The following FRRS1L variants were observed in gnomAD, a reference collection of about 807,000 sequenced individuals.
FRRS1L encodes ferric chelate reductase 1 like, also known as DOMON domain-containing protein FRRS1L.
In FRRS1L, 22 loss-of-function variants were observed where a neutral mutation model predicts 28.6. That is an observed-to-expected ratio of 0.77 (90% CI 0.55 to 1.10). FRRS1L has a LOEUF of 1.10. Ranked by LOEUF, FRRS1L falls within the 50% of genes least tolerant of loss-of-function variation. FRRS1L has a pLI of 0.00. For missense variants in FRRS1L, 380 were observed against 386.9 expected, an observed-to-expected ratio of 0.98 and a Z score of 0.15; for synonymous variants, 158 against 151.4, an observed-to-expected ratio of 1.04 and a Z score of -0.32.
intron 3 of FRRS1L, among the ~76,000 whole-genome samples, chr9:109,143,542 A>T (rs1207481011): frequency 2.1e-5 from 3 of 141,144 alleles, no homozygotes; most frequent in Non-Finnish European, 4.5e-5. Context: ...TCCCCGACAG[A>T]GTCTCACTGT....
intron 3 of FRRS1L, among the ~76,000 whole-genome samples, chr9:109,143,176 G>A (rs1246300611): frequency 6.6e-6 from 1 of 152,012 alleles, no homozygotes; most frequent in African/African-American, 2.4e-5. Flanking sequence ...TTAGCTAGGT[G>A]TGGTGGCAGG....
At chr9:109,158,162 G>A (rs1831433912) in intron 1 of FRRS1L, among the ~76,000 whole-genome samples, 1 of 152,108 alleles carries the variant, frequency 6.6e-6, no homozygotes, top group Admixed American at 6.5e-5. Flanking sequence ...TTTTTTAACT[G>A]ATTCAATTTC....
At position 109,150,082 on chromosome 9, in the gene FRRS1L, G is replaced by C. The variant is rs953070530; in HGVS notation, c.239-362C>G. On this transcript the variant is annotated intron_variant, in intron 1 of 4. Coordinates refer to ENST00000561981, the MANE Select transcript of FRRS1L (RefSeq NM_014334.4). ...ATGTTCTAAGAGAAAAAAGTTAACA[G>C]TGATACATTTATATACTTGATAGTG... 2.4e-5 allele frequency: 4 copies of C among 166,336 alleles called. No homozygotes were observed. In the South Asian group the frequency reaches 7.6e-4, roughly 32 times the overall value. The allele number at this position is 166,336 out of a possible 1,614,324, so 10.3% of individuals were successfully genotyped here.
chr9:109,150,855 T>G (rs1447600575), intron 1 of FRRS1L: 2 of 152,256 alleles, frequency 1.3e-5, no homozygotes, highest in African/African-American at 4.8e-5. Context: ...TGCTTGGCAC[T>G]GGACACTGAA....
intron 3 of FRRS1L, among the ~76,000 whole-genome samples, chr9:109,144,567 G>A (rs1262904519): frequency 6.6e-6 from 1 of 152,010 alleles, no homozygotes; most frequent in African/African-American, 2.4e-5. Flanking sequence ...GTTTCACCAT[G>A]TTGGCCAGGC....
At chr9:109,158,016 G>A (rs1831432536) in intron 1 of FRRS1L, among the ~76,000 whole-genome samples, 1 of 152,066 alleles carries the variant, frequency 6.6e-6, no homozygotes, top group African/African-American at 2.4e-5. Flanking sequence ...TGCTAATAAG[G>A]TTATGTTATC....
intron 4 of FRRS1L, chr9:109,140,011 G>A (rs912008071): frequency 6.6e-6 from 1 of 152,204 alleles, no homozygotes; most frequent in Non-Finnish European, 1.5e-5. Context: ...CAACCAGAAG[G>A]AATGCTCAAG....
At chr9:109,145,661 C>T (rs183472031) in intron 3 of FRRS1L, among the ~76,000 whole-genome samples, 8 of 152,196 alleles carry the variant, frequency 5.3e-5, no homozygotes, top group Admixed American at 6.5e-5. Context: ...TTGCAGTGAG[C>T]CGACATCATG....
chr9:109,149,492 G>A, intron 2 of FRRS1L, 144 bp downstream of exon 2: 1 of 591,498 alleles, frequency 1.7e-6, no homozygotes, highest in East Asian at 2.9e-5. Flanking sequence ...AAGCGGGATG[G>A]CCGTTACGAA....
intron 1 of FRRS1L, among the ~76,000 whole-genome samples, chr9:109,155,867 G>A (rs1205694112): frequency 1.3e-5 from 2 of 151,870 alleles, no homozygotes; most frequent in African/African-American, 4.9e-5. Context: ...ATTGATTGTG[G>A]TGACAGATGC....
chr9:109,148,915 C>T (rs1387946425), intron 2 of FRRS1L, among the ~76,000 whole-genome samples: 1 of 152,088 alleles, frequency 6.6e-6, no homozygotes, highest in African/African-American at 2.4e-5. Context: ...AGCTCAAAGC[C>T]CCTGTATTCA....
chr9:109,155,037 C>CTAAG (rs1415037011), intron 1 of FRRS1L, among the ~76,000 whole-genome samples: 1 of 152,194 alleles, frequency 6.6e-6, no homozygotes, highest in Non-Finnish European at 1.5e-5. Context: ...GATCCTGGAT[C>CTAAG]TAAGGTTCAG....
chr9:109,144,432 G>A (rs755007295), intron 3 of FRRS1L, among the ~76,000 whole-genome samples: 19 of 151,910 alleles, frequency 1.3e-4, no homozygotes, highest in South Asian at 2.1e-4. Context: ...GTGCAATGGC[G>A]CCATCTCAGC....
rs539351824 is a variant in FRRS1L at position 109,153,967 on chromosome 9, T to C, written c.239-4247A>G. Among the ~76,000 whole-genome samples the C allele has an allele frequency of 1.1e-4, 17 of 152,294 alleles. No individual in the cohort carries two copies. In the South Asian group the frequency reaches 3.1e-3, roughly 28 times the overall value. On this transcript the variant is annotated intron_variant, in intron 1 of 4. Transcript: ENST00000561981. ...TTGCCAGGTGCTTAGACTCTGCCAA[T>C]AGCAAGCATTAGAGGAAGGCAGGAG...
rs959558899 is a variant in FRRS1L at position 109,137,393 on chromosome 9, A to T, written c.*62T>A. On this transcript the variant is annotated 3_prime_UTR_variant, in exon 5 of 5. Coordinates refer to ENST00000561981, the MANE Select transcript of FRRS1L (RefSeq NM_014334.4). Reference sequence around the variant, plus strand: ...GCTAAAATTATACTGGATATTCTTTAAAAAATATATTTATACTAAAGACTT... The same window carrying T: ...GCTAAAATTATACTGGATATTCTTTTAAAAATATATTTATACTAAAGACTT... 9.4e-6 allele frequency: 10 copies of T among 1,062,316 alleles called. No homozygotes were observed. Among genetic ancestry groups the T allele is most frequent in the Non-Finnish European group, 1.3e-5 (10 of 777,098 alleles). The allele number at this position is 1,062,316 out of a possible 1,614,324, so 65.8% of individuals were successfully genotyped here.
At chr9:109,160,453 C>T (rs1194889507) in intron 1 of FRRS1L, among the ~76,000 whole-genome samples, 1 of 152,250 alleles carries the variant, frequency 6.6e-6, no homozygotes, top group Non-Finnish European at 1.5e-5. Context: ...CTCTGTCACC[C>T]AGACTGGAGC....
At chr9:109,141,131 A>G in intron 4 of FRRS1L, 1 of 596,588 alleles carries the variant, frequency 1.7e-6, no homozygotes, top group Non-Finnish European at 3.0e-6. Flanking sequence ...GTAGCTTTGC[A>G]TGTGTGTAAC....
intron 1 of FRRS1L, among the ~76,000 whole-genome samples, chr9:109,152,924 T>C (rs191793044): frequency 3.3e-5 from 5 of 151,424 alleles, no homozygotes; most frequent in Admixed American, 2.6e-4. Flanking sequence ...TTTATTCATG[T>C]TGGCAAATGG....
At chr9:109,151,280 C>T (rs1831326823) in intron 1 of FRRS1L, 1 of 152,240 alleles carries the variant, frequency 6.6e-6, no homozygotes, top group Admixed American at 6.5e-5. Flanking sequence ...ATCCCTGGGC[C>T]ACTAACCAGT....
Sources: gnomAD v4.1 joint callset for allele counts (sites outside exome capture counted in the v4.1 genomes callset) on GRCh38, gnomAD v4.1.1 for gene constraint, MANE v1.5 for transcripts, NCBI Gene and HGNC (gene_info 2026-07-23, HGNC 2026-07-21) for gene names.